The following ARHGAP35 variants were observed in gnomAD, a reference collection of about 807,000 sequenced individuals.
The protein encoded by ARHGAP35 is rho GTPase-activating protein 35.
A neutral mutation model predicts 111.1 loss-of-function variants in ARHGAP35; 15 were observed. The ratio of observed to expected loss-of-function variants is 0.13; its 90% CI spans 0.09 to 0.21. The LOEUF is 0.21. ARHGAP35 is among the 10% of genes least tolerant of loss of function. The pLI is 1.00. For synonymous variants in ARHGAP35, 643 were observed against 710.3 expected (o/e 0.91, Z 1.51); for missense variants, 1,262 against 1,873.0 (o/e 0.67, Z 6.02).
chr19:46,963,592 G>A, intron 3 of ARHGAP35, among the ~76,000 whole-genome samples: 1 of 152,170 alleles, frequency 6.6e-6, no homozygotes, highest in East Asian at 1.9e-4. Flanking sequence ...CATGCCAGTT[G>A]TCTGTGTCAT....
At chr19:46,955,205 G>A (rs762477313) in intron 3 of ARHGAP35, among the ~76,000 whole-genome samples, 31 of 152,140 alleles carry the variant, frequency 2.0e-4, no homozygotes, top group African/African-American at 5.3e-4. Flanking sequence ...AGCCGCCCCC[G>A]TCCATGTGAT....
At chr19:46,987,944 T>A (rs770244153) in intron 3 of ARHGAP35, 45 bp from the exon 4 acceptor site, 1 of 1,594,148 alleles carries the variant, frequency 6.3e-7, no homozygotes, top group Non-Finnish European at 8.6e-7. Context: ...CCTCATTCTC[T>A]GCTCTCCAGT....
Position 46,926,935 on chromosome 19 carries a change from C to T in ARHGAP35, c.3681+4579C>T, listed in dbSNP as rs2122209320. Among the ~76,000 whole-genome samples, 1 of 152,280 alleles carries T rather than the reference C, an allele frequency of 6.6e-6. No individual in the cohort carries two copies. The highest frequency in any genetic ancestry group is 1.9e-4 in the East Asian group (1 of 5,188). ...CTGGGGAATTGGACTGCTTGCTCCC[C>T]TGGGAGGGATGTTGAGTTTTGACAG... On this transcript the variant is annotated intron_variant, in intron 2 of 6. Coordinates refer to ENST00000672722, the MANE Select transcript of ARHGAP35 (RefSeq NM_004491.5). This position sits in a 1 kb window ranked among gnomAD's most constrained non-coding sequence, Gnocchi z 4.1.
chr19:46,865,326 T>C (rs1435261786), intron 1 of ARHGAP35, among the ~76,000 whole-genome samples: 1 of 152,230 alleles, frequency 6.6e-6, no homozygotes, highest in Non-Finnish European at 1.5e-5. Flanking sequence ...TCAAAGTTCC[T>C]CATTTAAGTT....
chr19:46,989,744 T>C lies in ARHGAP35; in HGVS notation c.4036+69T>C. 6.2e-7 allele frequency: 1 copy of C among 1,600,560 alleles called. No individual in the cohort carries two copies. Among genetic ancestry groups the C allele is most frequent in the Non-Finnish European group, 8.5e-7 (1 of 1,173,328 alleles). ...GGCTTGGCACTGGAAGAATAGGTCC[T>C]GCCCTCAGAATGGATGCTGGCTGTT... On this transcript the variant is annotated intron_variant, in intron 5 of 6. Coordinates refer to ENST00000672722, the MANE Select transcript of ARHGAP35 (RefSeq NM_004491.5). The surrounding 1 kb of genome is among the most constrained non-coding windows in gnomAD (Gnocchi z 5.3).
chr19:46,999,485 C>G lies in ARHGAP35; in HGVS notation c.4142+76C>G. The G allele has an allele frequency of 4.9e-6, 5 of 1,017,010 alleles. No homozygotes were observed. The highest frequency in any genetic ancestry group is 7.4e-6 in the Non-Finnish European group (5 of 676,512). The allele number at this position is 1,017,010 out of a possible 1,614,324, so 63.0% of individuals were successfully genotyped here. On this transcript the variant is annotated intron_variant, in intron 6 of 6. Coordinates refer to ENST00000672722, the MANE Select transcript of ARHGAP35 (RefSeq NM_004491.5). This position sits in a 1 kb window ranked among gnomAD's most constrained non-coding sequence, Gnocchi z 5.4. ...AGGGTCAGTGTGTCGCAGAACAAGG[C>G]TCTGTCCACAAGCCAGTAGAAGCCT...
rs955621721 is a variant in ARHGAP35 at position 47,001,291 on chromosome 19, G to T, written c.*603G>T. ...GAGGATAGCTTTGTGCCTGGACCCA[G>T]AGAGTGTGGGACTCCCCGCTTCATC... On this transcript the variant is annotated 3_prime_UTR_variant, in exon 7 of 7. Transcript: ENST00000672722. The surrounding 1 kb of genome is among the most constrained non-coding windows in gnomAD (Gnocchi z 5.4). 4.2e-5 allele frequency: 54 copies of T among 1,290,340 alleles called. No individual in the cohort carries two copies. The African/African-American group carries it at 7.6e-4, about 18-fold the overall frequency. The allele number at this position is 1,290,340 out of a possible 1,614,324, so 79.9% of individuals were successfully genotyped here.
At chr19:46,949,524 A>G (rs1392425694) in intron 3 of ARHGAP35, among the ~76,000 whole-genome samples, 2 of 152,160 alleles carry the variant, frequency 1.3e-5, no homozygotes. Context: ...TACATTTATA[A>G]AACAAGTGGC....
intron 1 of ARHGAP35, among the ~76,000 whole-genome samples, chr19:46,897,383 G>A (rs565804518): frequency 1.3e-5 from 2 of 151,420 alleles, no homozygotes; most frequent in South Asian, 4.2e-4. Flanking sequence ...CAAATGCAGT[G>A]ATGAAGGGCC....
rs549204930 is a variant in ARHGAP35 at position 46,998,196 on chromosome 19, G to A, written c.4037-1108G>A. Among the ~76,000 whole-genome samples, 13 of 152,148 alleles carry A rather than the reference G, an allele frequency of 8.5e-5. No individual in the cohort carries two copies. The South Asian group carries it at 1.9e-3, about 22-fold the overall frequency. On this transcript the variant is annotated intron_variant, in intron 5 of 6. Coordinates refer to ENST00000672722, the MANE Select transcript of ARHGAP35 (RefSeq NM_004491.5). The stretch of plus-strand genomic sequence containing the variant: ...AGCAGAATGGCACACATATGTCTCC[G>A]GCCGAGACGGTCTGGCACCATCATC...
At chr19:46,864,525 T>A (rs1181928712) in intron 1 of ARHGAP35, among the ~76,000 whole-genome samples, 1 of 152,240 alleles carries the variant, frequency 6.6e-6, no homozygotes. Context: ...AGTACTTATT[T>A]AGAAATAATT....
rs764787468 is a variant in ARHGAP35 at position 46,920,947 on chromosome 19, C to T, written c.2272C>T (p.Leu758Phe). 88 of 1,613,850 alleles carry T rather than the reference C, an allele frequency of 5.5e-5. No homozygotes were observed. The highest frequency in any genetic ancestry group is 7.3e-5 in the Non-Finnish European group (86 of 1,179,870). ...EKQISQVLKG[L>F]LDSKRNLNLV... is the part of the protein sequence containing the mutation. ...GCAAATCAGTCAAGTTTTGAAGGGA[C>T]TCCTGGACTCTAAGCGTAACTTAAA... Residue 758 changes from leucine (L) to phenylalanine (F), a missense_variant, in exon 2 of 7, where the codon CTC becomes TTC. Transcript: ENST00000672722. The surrounding 1 kb of genome is among the most constrained non-coding windows in gnomAD (Gnocchi z 7.0).
chr19:46,881,666 C>A (rs1445271414), intron 1 of ARHGAP35, among the ~76,000 whole-genome samples: 1 of 152,086 alleles, frequency 6.6e-6, no homozygotes, highest in Non-Finnish European at 1.5e-5. Flanking sequence ...TTCCTAAGGC[C>A]TGTAGGATTT....
intron 2 of ARHGAP35, among the ~76,000 whole-genome samples, chr19:46,923,164 G>T (rs2056214618): frequency 1.3e-5 from 2 of 150,598 alleles, no homozygotes; most frequent in African/African-American, 4.9e-5. Context: ...GAGTGCAGTG[G>T]CGCGATCTCC....
At chr19:46,887,557 G>A in intron 1 of ARHGAP35, among the ~76,000 whole-genome samples, 1 of 152,038 alleles carries the variant, frequency 6.6e-6, no homozygotes, top group Non-Finnish European at 1.5e-5. Flanking sequence ...AGCTTCCAAG[G>A]GCTGTGACTT....
At chr19:46,907,593 C>G (rs1257261990) in intron 1 of ARHGAP35, among the ~76,000 whole-genome samples, 3 of 152,222 alleles carry the variant, frequency 2.0e-5, no homozygotes, top group African/African-American at 7.2e-5. Context: ...ATTCTCCTGT[C>G]TCAGCCTCCC....
chr19:46,869,585 CTG>C (rs1491333746), intron 1 of ARHGAP35, among the ~76,000 whole-genome samples: 3 of 151,780 alleles, frequency 2.0e-5, no homozygotes, highest in East Asian at 1.9e-4. Context: ...AAGGTCAAAA[CTG>C]TGGCTTTATC....
At chr19:46,876,704 C>G (rs112447354) in intron 1 of ARHGAP35, among the ~76,000 whole-genome samples, 36 of 151,620 alleles carry the variant, frequency 2.4e-4, no homozygotes, top group African/African-American at 8.5e-4. Flanking sequence ...GACGGGGACT[C>G]GCTGTGTTGC....
chr19:46,906,692 T>C (rs2056110142), intron 1 of ARHGAP35, among the ~76,000 whole-genome samples: 7 of 152,192 alleles, frequency 4.6e-5, no homozygotes, highest in Admixed American at 1.3e-4. Flanking sequence ...TCAGTACAGA[T>C]GCAGTAGATA....
Sources: allele counts gnomAD v4.1 joint callset (sites outside exome capture counted in the v4.1 genomes callset), GRCh38; gene constraint gnomAD v4.1.1; non-coding constraint Gnocchi (gnomAD v3.1); transcripts MANE v1.5; gene names NCBI Gene and HGNC (gene_info 2026-07-23, HGNC 2026-07-21).